ARID4B: variants seen among roughly 807,000 people sequenced by gnomAD.
ARID4B encodes the protein AT-rich interaction domain 4B.
In ARID4B, 26 loss-of-function variants were observed where a neutral mutation model predicts 147.5. That is an observed-to-expected ratio of 0.18 (90% CI 0.13 to 0.24). The LOEUF is 0.24. ARID4B is among the 10% of genes least tolerant of loss of function. ARID4B has a pLI of 1.00. For synonymous variants in ARID4B, 512 were observed against 507.9 expected, an observed-to-expected ratio of 1.01 and a Z score of -0.11; for missense variants, 1,179 against 1,511.5, an observed-to-expected ratio of 0.78 and a Z score of 3.65.
At chr1:235,277,456 G>A (rs914066894) in intron 2 of ARID4B, among the ~76,000 whole-genome samples, 110 of 150,784 alleles carry the variant, frequency 7.3e-4, no homozygotes, top group African/African-American at 2.4e-3. Context: ...GGAGAATGGC[G>A]TGAACCCGGG....
Position 235,326,975 on chromosome 1 carries a change from G to A in ARID4B, c.-49-7C>T. On this transcript the variant is annotated splice_region_variant and splice_polypyrimidine_tract_variant and intron_variant, in intron 1 of 23. Coordinates refer to ENST00000264183, the MANE Select transcript of ARID4B (RefSeq NM_016374.6). ...ACACCAGGTTCAGCTGCACCTGGAGGGGAAACAAAAGACACCCAGTCAACA... is the reference window on the plus strand; with the variant it reads ...ACACCAGGTTCAGCTGCACCTGGAGAGGAAACAAAAGACACCCAGTCAACA... 4.4e-6 allele frequency: 7 copies of A among 1,595,052 alleles called. No homozygotes were observed. The highest frequency in any genetic ancestry group is 1.7e-4 in the Middle Eastern group (1 of 6,000).
At chr1:235,224,141 T>C (rs891731344) in intron 12 of ARID4B, among the ~76,000 whole-genome samples, 5 of 152,182 alleles carry the variant, frequency 3.3e-5, no homozygotes, top group Non-Finnish European at 7.3e-5. Flanking sequence ...ACACTAATCA[T>C]TCATTTTGCC....
At chr1:235,307,857 A>T (rs1227527295) in intron 2 of ARID4B, among the ~76,000 whole-genome samples, 2 of 152,050 alleles carry the variant, frequency 1.3e-5, no homozygotes, top group African/African-American at 4.8e-5. Flanking sequence ...TTAGAGATAG[A>T]GTCTCGCTCT....
In ARID4B at chr1:235,236,609, G is replaced by A. The variant is rs528193241; in HGVS notation, c.586-2117C>T. Among the ~76,000 whole-genome samples the A allele has an allele frequency of 1.3e-4, 19 of 150,892 alleles. 1 individual carries two copies. In the South Asian group the frequency reaches 4.0e-3, roughly 32 times the overall value. On this transcript the variant is annotated intron_variant, in intron 8 of 23. Coordinates refer to ENST00000264183, the MANE Select transcript of ARID4B (RefSeq NM_016374.6). ...GCTCACTGCAACCTCCACCTCCCGT[G>A]TTCAAGCAATTCTCCTGCCTCAGCC...
At chr1:235,197,147 T>G (rs1360009651) in intron 17 of ARID4B, among the ~76,000 whole-genome samples, 2 of 152,154 alleles carry the variant, frequency 1.3e-5, no homozygotes, top group Non-Finnish European at 2.9e-5. Flanking sequence ...TGACAGTTTA[T>G]TCGTTCTTCA....
At chr1:235,195,390 C>T (rs1324804276) in intron 18 of ARID4B, among the ~76,000 whole-genome samples, 5 of 151,864 alleles carry the variant, frequency 3.3e-5, no homozygotes, top group African/African-American at 7.3e-5. Flanking sequence ...GTCAGAAGTT[C>T]GAGACCAGCC....
intron 17 of ARID4B, among the ~76,000 whole-genome samples, chr1:235,208,527 A>G (rs779225692): frequency 1.5e-4 from 23 of 149,536 alleles, no homozygotes; most frequent in Non-Finnish European, 2.5e-4. Flanking sequence ...TTTGAGATGG[A>G]GTTTCGCTCT....
chr1:235,238,751 G>A (rs943674933), intron 8 of ARID4B, among the ~76,000 whole-genome samples: 1 of 152,028 alleles, frequency 6.6e-6, no homozygotes, highest in Non-Finnish European at 1.5e-5. Context: ...AGCTACTCAG[G>A]AGGCTGAGGT....
At chr1:235,259,117 A>T (rs1245482162) in intron 3 of ARID4B, among the ~76,000 whole-genome samples, 1 of 152,224 alleles carries the variant, frequency 6.6e-6, no homozygotes. Context: ...AATTAAAAAT[A>T]AGCTTTAGAT....
At chr1:235,185,667 C>T (rs1477773186) in intron 19 of ARID4B, among the ~76,000 whole-genome samples, 2 of 152,192 alleles carry the variant, frequency 1.3e-5, no homozygotes, top group African/African-American at 4.8e-5. Context: ...CCTTACTTAT[C>T]TGAATACATC....
intron 6 of ARID4B, among the ~76,000 whole-genome samples, chr1:235,247,667 C>G (rs1473074169): frequency 6.6e-6 from 1 of 152,134 alleles, no homozygotes; most frequent in South Asian, 2.1e-4. Context: ...TAACCCTGTC[C>G]TAATGAACCT....
At chr1:235,188,067 A>G (rs1022040567) in intron 19 of ARID4B, among the ~76,000 whole-genome samples, 2 of 152,018 alleles carry the variant, frequency 1.3e-5, no homozygotes, top group Non-Finnish European at 2.9e-5. Context: ...GACTGCACAC[A>G]TGTGAGTGTC....
At chr1:235,170,249 G>A (rs61837202) in intron 23 of ARID4B, among the ~76,000 whole-genome samples, 1,763 of 152,254 alleles carry the variant, frequency 0.012, 20 homozygotes, top group Non-Finnish European at 0.018. Flanking sequence ...TTTACATATT[G>A]CCTATGGGAG....
chr1:235,234,763 G>A (rs1410339780), intron 8 of ARID4B, among the ~76,000 whole-genome samples: 1 of 152,148 alleles, frequency 6.6e-6, no homozygotes, highest in African/African-American at 2.4e-5. Context: ...TGAAGCTGTG[G>A]ACGAAGTTCT....
chr1:235,277,636 G>GTA (rs1433575263), intron 2 of ARID4B, among the ~76,000 whole-genome samples: 2 of 86,366 alleles, frequency 2.3e-5, no homozygotes, highest in Admixed American at 1.2e-4. Context: ...GTGTGTGTGT[G>GTA]TGTGTTTCAT....
intron 2 of ARID4B, among the ~76,000 whole-genome samples, chr1:235,319,613 T>A (rs1163788483): frequency 6.6e-6 from 1 of 152,206 alleles, no homozygotes; most frequent in Admixed American, 6.5e-5. Flanking sequence ...CAATGTTCAC[T>A]GCTCACTGAG....
chr1:235,321,264 G>A (rs1674813473), intron 2 of ARID4B, among the ~76,000 whole-genome samples: 1 of 151,988 alleles, frequency 6.6e-6, no homozygotes, highest in Non-Finnish European at 1.5e-5. Flanking sequence ...TCATCTAAAG[G>A]ACCACAAATT....
chr1:235,211,083 C>T (rs1666687120), intron 17 of ARID4B, among the ~76,000 whole-genome samples: 1 of 152,200 alleles, frequency 6.6e-6, no homozygotes, highest in South Asian at 2.1e-4. Context: ...CCTGTAGTCC[C>T]AGCACTTTGG....
At chr1:235,317,545 AGTTT>A (rs1674525857) in intron 2 of ARID4B, among the ~76,000 whole-genome samples, 1 of 152,208 alleles carries the variant, frequency 6.6e-6, no homozygotes, top group African/African-American at 2.4e-5. Context: ...ACATGAAGAT[AGTTT>A]GTCTATGCTG....
Sources: gnomAD v4.1 joint callset for allele counts (sites outside exome capture counted in the v4.1 genomes callset) on GRCh38, gnomAD v4.1.1 for gene constraint, MANE v1.5 for transcripts, NCBI Gene and HGNC (gene_info 2026-07-23, HGNC 2026-07-21) for gene names.